Variants in SLC16A3 observed in about 807,000 individuals in gnomAD.
The protein encoded by SLC16A3 is solute carrier family 16 member 3.
In SLC16A3, 22 loss-of-function variants were observed where a neutral mutation model predicts 25.0. The observed-to-expected ratio is 0.88, with a 90% confidence interval of 0.63 to 1.26. The LOEUF (loss-of-function observed/expected upper bound fraction) is 1.26, where lower values mean the gene tolerates loss of function less well. Ranked by LOEUF, SLC16A3 falls within the 50% of genes most tolerant of loss-of-function variation. The probability of loss-of-function intolerance (pLI) is 0.00; values close to 1 mark genes in which losing one functional copy is unlikely to be tolerated. For missense variants in SLC16A3, 731 were observed against 666.6 expected, an observed-to-expected ratio of 1.10 and a Z score of -1.06; for synonymous variants, 390 against 309.2, an observed-to-expected ratio of 1.26 and a Z score of -2.74.
chr17:82,227,393 C>T (rs933512204), upstream of SLC16A3, among the ~76,000 whole-genome samples: 1 of 150,728 alleles, frequency 6.6e-6, no homozygotes, highest in Non-Finnish European at 1.5e-5. Flanking sequence ...GTGGGGGCCC[C>T]AAGCCCAGCT....
intron 1 of SLC16A3, chr17:82,234,937 C>T (rs909191841): frequency 2.6e-5 from 4 of 152,262 alleles, no homozygotes; most frequent in African/African-American, 9.7e-5. Flanking sequence ...ACAGCACGGT[C>T]CCAGCAGGGA....
At chr17:82,222,696 G>C (rs989439831) in intron 1 of SLC16A3, among the ~76,000 whole-genome samples, 1 of 151,890 alleles carries the variant, frequency 6.6e-6, no homozygotes, top group Non-Finnish European at 1.5e-5. Context: ...CCAGCTACTC[G>C]GGAGGCTGAG....
upstream of SLC16A3, among the ~76,000 whole-genome samples, chr17:82,227,733 C>T (rs1173384716): frequency 1.3e-5 from 2 of 151,980 alleles, no homozygotes; most frequent in African/African-American, 4.8e-5. Flanking sequence ...TTGGAGGCCC[C>T]CTCACCACTT....
At chr17:82,232,730 G>A (rs1327926535) in intron 1 of SLC16A3, among the ~76,000 whole-genome samples, 3 of 152,168 alleles carry the variant, frequency 2.0e-5, no homozygotes, top group Non-Finnish European at 2.9e-5. Context: ...GCTGTGGGAC[G>A]CAGGGTCTCC....
rs1414518338 is a variant in SLC16A3, at chr17:82,229,067, AGGCGGCG to A, written c.-65_-59del. Reference sequence around the variant, plus strand: ...GGCAGAGGCGGGCAGAGGCGGCGAGAGGCGGCGAGAGGCGGGCTGAGGCGGCCCAGCG... The same window carrying A: ...GGCAGAGGCGGGCAGAGGCGGCGAGAAGAGGCGGGCTGAGGCGGCCCAGCG... On this transcript the variant is annotated 5_prime_UTR_variant, in exon 1 of 5. Transcript: ENST00000582743. The A allele has an allele frequency of 4.7e-5, 7 of 149,646 alleles. No homozygotes were observed. The highest frequency in any genetic ancestry group is 1.0e-4 in the Non-Finnish European group (7 of 66,754). The allele number at this position is 149,646 out of a possible 1,614,324, so 9.3% of individuals were successfully genotyped here. A position where few individuals can be genotyped will look rare whatever the true frequency, so the allele number is the denominator to read the frequency against.
chr17:82,238,850 G>T lies in SLC16A3; in HGVS notation c.1272G>T (p.Ala424=). The part of the protein sequence containing the change: ...PKEPQPEVAA[A]EEEKLHKPPA... ...AGCCACAGCCTGAGGTGGCGGCCGC[G>T]GAGGAGGAGAAGCTCCACAAGCCTC... Residue 424 remains alanine, a synonymous_variant, in exon 5 of 5, where the codon GCG becomes GCT. Coordinates refer to ENST00000582743, the MANE Select transcript of SLC16A3 (RefSeq NM_004207.4). The T allele has an allele frequency of 6.2e-7, 1 of 1,612,516 alleles. No homozygotes were observed. The highest frequency in any genetic ancestry group is 8.5e-7 in the Non-Finnish European group (1 of 1,179,634).
At chr17:82,226,872 C>T (rs78765689), upstream of SLC16A3, among the ~76,000 whole-genome samples, 4,884 of 152,258 alleles carry the variant, frequency 0.032, 79 homozygotes, top group South Asian at 0.073. Flanking sequence ...TTGATAGCTG[C>T]GCTGCCTGTT....
chr17:82,226,895 CA>C (rs1464016325), upstream of SLC16A3, among the ~76,000 whole-genome samples: 2 of 152,156 alleles, frequency 1.3e-5, no homozygotes, highest in Non-Finnish European at 2.9e-5. Context: ...CTCTGGGTAA[CA>C]ACCTGGCAGG....
At position 82,222,803 on chromosome 17, in the gene SLC16A3, C is replaced by CAA. The variant is rs34093076; in HGVS notation, c.-27+4637_-27+4638dup. On this transcript the variant is annotated intron_variant, in intron 1 of 4. Transcript: ENST00000580098. ...GGGGGACAAGAGCGAGACTCCGTCTCAAAAAAAAAAAAAAAAAAAGGAATG... is the reference window on the plus strand; with the variant it reads ...GGGGGACAAGAGCGAGACTCCGTCTCAAAAAAAAAAAAAAAAAAAAAGGAATG... Among the ~76,000 whole-genome samples, 881 of 104,518 alleles carry CAA rather than the reference C, an allele frequency of 8.4e-3. 11 individuals carry two copies. The highest frequency in any genetic ancestry group is 0.029 in the African/African-American group (764 of 26,058). 68.6% of individuals were successfully genotyped at this position (104,518 alleles called of 152,430 possible).
At position 82,237,577 on chromosome 17, in the gene SLC16A3, C is replaced by T; in HGVS notation, c.807C>T (p.Ile269=). The T allele has an allele frequency of 6.2e-7, 1 of 1,612,440 alleles. No homozygotes were observed. Among genetic ancestry groups the T allele is most frequent in the Non-Finnish European group, 8.5e-7 (1 of 1,179,622 alleles). ...PDTKAAFLLT[I]LGFIDIFARP... is the part of the protein sequence containing the mutation. ...CCAAGGCCGCCTTCCTGCTCACCAT[C>T]CTGGGCTTCATTGACATCTTCGCGC... Residue 269 remains isoleucine (I), a synonymous_variant, in exon 4 of 5, where the codon ATC becomes ATT. Coordinates refer to ENST00000582743, the MANE Select transcript of SLC16A3 (RefSeq NM_004207.4).
In SLC16A3 at chr17:82,236,748, C is replaced by T. The variant is rs763366112; in HGVS notation, c.243C>T (p.Cys81=). 14 of 1,607,566 alleles carry T rather than the reference C, an allele frequency of 8.7e-6. No individual in the cohort carries two copies. The highest frequency in any genetic ancestry group is 3.3e-5 in the South Asian group (3 of 91,078). The change falls in exon 3 of 5, where the codon TGC becomes TGT. Residue 81 remains cysteine (C), a synonymous_variant. Coordinates refer to ENST00000582743, the MANE Select transcript of SLC16A3 (RefSeq NM_004207.4). ...CTCCAGGTCCGCTCTGCAGTGTGTG[C>T]GTGAACCGCTTTGGCTGCCGGCCCG... ...LYGTGPLCSV[C]VNRFGCRPVM... is the part of the protein sequence containing the mutation.
chr17:82,239,080 C>T lies in SLC16A3; in HGVS notation c.*104C>T. 8.6e-7 allele frequency: 1 copy of T among 1,159,746 alleles called. No homozygotes were observed. Among genetic ancestry groups the T allele is most frequent in the South Asian group, 1.8e-5 (1 of 55,532 alleles). The allele number at this position is 1,159,746 out of a possible 1,614,324, so 71.8% of individuals were successfully genotyped here. On this transcript the variant is annotated 3_prime_UTR_variant, in exon 5 of 5. Transcript: ENST00000582743. ...TGGCTCAGGCAGGGCCACGGCTGGG[C>T]TCCAGCTGCCGGCCCAGCGGATCGT... is the stretch of plus-strand genomic sequence containing the variant.
chr17:82,226,689 C>T (rs142424316), upstream of SLC16A3, among the ~76,000 whole-genome samples: 14 of 152,246 alleles, frequency 9.2e-5, no homozygotes, highest in African/African-American at 2.6e-4. Context: ...GAATGCCCCC[C>T]GCCACCAACT....
intron 1 of SLC16A3, among the ~76,000 whole-genome samples, chr17:82,219,379 C>A (rs182328223): frequency 2.6e-5 from 4 of 152,126 alleles, no homozygotes; most frequent in Admixed American, 2.6e-4. Context: ...CTAGTCTGTG[C>A]GGTGAGGGTG....
upstream of SLC16A3, among the ~76,000 whole-genome samples, chr17:82,224,027 TGTGCAGACACAACCCTACACCC>T (rs1308001896): frequency 6.9e-5 from 10 of 143,988 alleles, no homozygotes; most frequent in South Asian, 9.5e-4. Context: ...CAGAGACACC[TGTGCAGACACAACCCTACACCC>T]GTGCAGACAC....
intron 1 of SLC16A3, among the ~76,000 whole-genome samples, chr17:82,233,211 G>A (rs1467638309): frequency 1.3e-5 from 2 of 152,228 alleles, no homozygotes; most frequent in Non-Finnish European, 2.9e-5. Context: ...ACACCAGGCT[G>A]GAGTGGGAAC....
In SLC16A3 at chr17:82,236,862, G is replaced by C. The variant is rs765097644; in HGVS notation, c.357G>C (p.Gly119=). 1.2e-6 allele frequency: 2 copies of C among 1,605,656 alleles called. No individual in the cohort carries two copies. The highest frequency in any genetic ancestry group is 1.7e-6 in the Non-Finnish European group (2 of 1,179,744). ...RSIIQVYLTT[G]VITGLGLALN... ...TCATCCAGGTCTACCTCACCACTGGGGTCATCACGGGTGAGTGGGGCCGGC... is the reference window on the plus strand; with the variant it reads ...TCATCCAGGTCTACCTCACCACTGGCGTCATCACGGGTGAGTGGGGCCGGC... The change falls in exon 3 of 5, where the codon GGG becomes GGC. Residue 119 remains glycine (G), a synonymous_variant. Coordinates refer to ENST00000582743, the MANE Select transcript of SLC16A3 (RefSeq NM_004207.4).
At chr17:82,232,715 G>A (rs1233903802) in intron 1 of SLC16A3, among the ~76,000 whole-genome samples, 3 of 152,176 alleles carry the variant, frequency 2.0e-5, no homozygotes, top group Non-Finnish European at 4.4e-5. Flanking sequence ...TTGGGAGGGC[G>A]CATGGCTGTG....
At position 82,240,001 on chromosome 17, in the gene SLC16A3, G is replaced by A; in HGVS notation, c.*1025G>A. 2 of 1,233,746 alleles carry A rather than the reference G, an allele frequency of 1.6e-6. No individual in the cohort carries two copies. 76.4% of individuals were successfully genotyped at this position (1,233,746 alleles called of 1,614,324 possible). A position where few individuals can be genotyped will look rare whatever the true frequency, so the allele number is the denominator to read the frequency against. Reference sequence around the variant, plus strand: ...TCAGTAGGTGCGTCGTGGGCGCTGGGGACGGCAGCGGGTGCCCTGGCGGGC... The same window carrying A: ...TCAGTAGGTGCGTCGTGGGCGCTGGAGACGGCAGCGGGTGCCCTGGCGGGC... On this transcript the variant is annotated 3_prime_UTR_variant, in exon 5 of 5. Transcript: ENST00000582743.
Sources: allele counts gnomAD v4.1 joint callset (sites outside exome capture counted in the v4.1 genomes callset), GRCh38; gene constraint gnomAD v4.1.1; transcripts MANE v1.5; gene names NCBI Gene and HGNC (gene_info 2026-07-23, HGNC 2026-07-21).